RTTN: variants seen among roughly 807,000 people sequenced by gnomAD.
RTTN encodes rotatin.
Under a neutral mutation model 269.2 loss-of-function variants are expected in RTTN, and 182 were observed. The ratio of observed to expected loss-of-function variants is 0.68; its 90% CI spans 0.60 to 0.76. RTTN has a LOEUF of 0.76. Ranked by LOEUF, RTTN falls within the 30% of genes least tolerant of loss-of-function variation. The probability of loss-of-function intolerance (pLI) is 0.00; values close to 1 mark genes in which losing one functional copy is unlikely to be tolerated. For synonymous variants in RTTN, 1,006 were observed against 963.5 expected (o/e 1.04, Z -0.82); for missense variants, 2,545 against 2,608.6 (o/e 0.98, Z 0.53).
intron 43 of RTTN, among the ~76,000 whole-genome samples, chr18:70,026,098 C>T (rs776611623): frequency 6.6e-6 from 1 of 152,222 alleles, no homozygotes; most frequent in African/African-American, 2.4e-5. Context: ...AATTTCCCTG[C>T]CTCACATTTA....
intron 42 of RTTN, among the ~76,000 whole-genome samples, chr18:70,029,216 T>C (rs1281294969): frequency 6.6e-6 from 1 of 151,372 alleles, no homozygotes; most frequent in Non-Finnish European, 1.5e-5. Context: ...CCTGCATCAA[T>C]TACATTATTA....
chr18:70,075,981 T>C (rs2058419795), intron 32 of RTTN, among the ~76,000 whole-genome samples: 1 of 152,120 alleles, frequency 6.6e-6, no homozygotes, highest in Non-Finnish European at 1.5e-5. Context: ...CCAGGTAAAA[T>C]GAAAAGGTCC....
intron 37 of RTTN, 27 bp from the exon 38 acceptor site, chr18:70,054,311 T>A: frequency 6.3e-7 from 1 of 1,581,410 alleles, no homozygotes; most frequent in Non-Finnish European, 8.6e-7. Context: ...CAGGGTCAAA[T>A]CAAACATGCC....
chr18:70,099,979 T>C (rs1016170820), intron 28 of RTTN, among the ~76,000 whole-genome samples: 24 of 152,272 alleles, frequency 1.6e-4, no homozygotes, highest in African/African-American at 5.1e-4. Context: ...TTTTGGTTAC[T>C]GTAGCCTTGT....
intron 26 of RTTN, among the ~76,000 whole-genome samples, chr18:70,119,079 CAG>C (rs1358961351): frequency 1.3e-5 from 2 of 151,972 alleles, no homozygotes; most frequent in South Asian, 2.1e-4. Flanking sequence ...AAATCCTAGC[CAG>C]AGCAATTAGT....
Position 70,090,595 on chromosome 18 carries a change from G to C in RTTN, c.4143+1515C>G, listed in dbSNP as rs146257064. Among the ~76,000 whole-genome samples the C allele has an allele frequency of 2.2e-3, 334 of 152,246 alleles. 18 individuals carry two copies. In the East Asian group the frequency reaches 0.052, roughly 24 times the overall value. On this transcript the variant is annotated intron_variant, in intron 30 of 48. Transcript: ENST00000640769. ...TTGGAAAATGAAACCTCTGATAAGG[G>C]AGGACTACTGTATTCTTCAATGAAA...
At chr18:70,162,379 C>T (rs9989542) in intron 14 of RTTN, among the ~76,000 whole-genome samples, 2,490 of 152,148 alleles carry the variant, frequency 0.016, 65 homozygotes, top group African/African-American at 0.057. Flanking sequence ...GGGAAGAGAA[C>T]GTATTAGCCT....
At chr18:70,114,308 A>G (rs1031105129) in intron 27 of RTTN, 137 bp downstream of exon 27, 52 of 865,126 alleles carry the variant, frequency 6.0e-5, no homozygotes, top group Admixed American at 4.8e-4. Context: ...CAAACAGAAC[A>G]CTATAACTGA....
intron 11 of RTTN, among the ~76,000 whole-genome samples, chr18:70,174,686 A>C (rs995003480): frequency 6.6e-6 from 1 of 151,744 alleles, no homozygotes; most frequent in African/African-American, 2.4e-5. Flanking sequence ...TTAAATGGAA[A>C]ATGTATGTTA....
At chr18:70,076,374 G>C (rs924844884) in intron 32 of RTTN, among the ~76,000 whole-genome samples, 74 of 151,920 alleles carry the variant, frequency 4.9e-4, no homozygotes, top group African/African-American at 1.7e-3. Context: ...GGAAAGATAC[G>C]TTCAAAACAT....
chr18:70,059,942 T>C lies in RTTN; in HGVS notation c.4848A>G (p.Ala1616=). Residue 1616 remains alanine, a synonymous_variant, in exon 36 of 49, where the codon GCA becomes GCG. Transcript: ENST00000640769. The part of the protein sequence containing the change: ...CVFVTPSLLS[A]MCSLLDNLLT... ...AGAGGTTGTCCAAGAGGCTGCACAT[T>C]GCTGAAAGAAGAGATGGAGTAACAA... 1 of 1,613,988 alleles carries C rather than the reference T, an allele frequency of 6.2e-7. No homozygotes were observed. Among genetic ancestry groups the C allele is most frequent in the Non-Finnish European group, 8.5e-7 (1 of 1,179,928 alleles).
chr18:70,059,663 C>T (rs2057919237), intron 36 of RTTN, among the ~76,000 whole-genome samples, 187 bp downstream of exon 36: 1 of 152,052 alleles, frequency 6.6e-6, no homozygotes, highest in Admixed American at 6.6e-5. Context: ...AATACAAGTG[C>T]TTTAATAGAT....
chr18:70,012,801 T>C (rs2056428946), intron 46 of RTTN, among the ~76,000 whole-genome samples: 1 of 152,190 alleles, frequency 6.6e-6, no homozygotes, highest in Admixed American at 6.5e-5. Context: ...TAGATGGCAG[T>C]GTCTACTCAC....
chr18:70,082,337 C>T (rs185590178), intron 32 of RTTN, among the ~76,000 whole-genome samples: 6 of 152,214 alleles, frequency 3.9e-5, no homozygotes, highest in Admixed American at 3.9e-4. Context: ...CCCCTGTAGG[C>T]CATAAGCCCA....
chr18:70,096,246 C>T (rs2059001154), intron 28 of RTTN, among the ~76,000 whole-genome samples: 1 of 152,128 alleles, frequency 6.6e-6, no homozygotes, highest in South Asian at 2.1e-4. Context: ...TTAGAACATG[C>T]TCCTTTAGCT....
At chr18:70,078,900 T>C (rs1030637225) in intron 32 of RTTN, among the ~76,000 whole-genome samples, 2 of 151,986 alleles carry the variant, frequency 1.3e-5, no homozygotes, top group Admixed American at 6.6e-5. Context: ...CATCTCAAAA[T>C]GGGTTGGGGT....
intron 46 of RTTN, chr18:70,007,970 CTCCCA>C (rs1163575736): frequency 6.5e-6 from 1 of 154,146 alleles, no homozygotes; most frequent in Admixed American, 6.5e-5. Flanking sequence ...TGGGAGACAC[CTCCCA>C]ACAGGTGTTG....
intron 40 of RTTN, among the ~76,000 whole-genome samples, chr18:70,033,367 C>A (rs2057075807): frequency 6.6e-6 from 1 of 152,154 alleles, no homozygotes; most frequent in Admixed American, 6.5e-5. Flanking sequence ...AATACATATA[C>A]CATCCACACT....
chr18:70,005,308 G>A (rs764526378), intron 47 of RTTN, 41 bp from the exon 48 acceptor site: 10 of 1,438,910 alleles, frequency 6.9e-6, no homozygotes, highest in South Asian at 2.3e-5. Context: ...CATGTGTTAT[G>A]GATCATGATA....
Sources: allele counts gnomAD v4.1 joint callset (sites outside exome capture counted in the v4.1 genomes callset), GRCh38; gene constraint gnomAD v4.1.1; transcripts MANE v1.5; gene names NCBI Gene and HGNC (gene_info 2026-07-23, HGNC 2026-07-21).